The following CRISP1 variants were observed in gnomAD, a reference collection of about 807,000 sequenced individuals.
CRISP1 encodes the protein cysteine-rich secretory protein 1.
CRISP1 carries 44 observed loss-of-function variants against 33.1 expected under a neutral mutation model. That is an observed-to-expected ratio of 1.33 (90% confidence interval 1.05 to 1.71). The LOEUF is 1.71. CRISP1 is among the 40% of genes most tolerant of loss of function. The pLI, the probability that CRISP1 is intolerant of heterozygous loss-of-function variation, is 0.00. For synonymous variants in CRISP1, 103 were observed against 98.7 expected (o/e 1.04, Z -0.26); for missense variants, 390 against 301.2 (o/e 1.29, Z -2.18).
In CRISP1 at chr6:49,846,697, C is replaced by G. The variant is rs1180734882; in HGVS notation, c.287-29G>C. 3 of 1,604,338 alleles carry G rather than the reference C, an allele frequency of 1.9e-6. No individual in the cohort carries two copies. In the Admixed American group the frequency reaches 5.1e-5, roughly 27 times the overall value. ...AAATGAGAAAACGGGCTGGGTCATA[C>G]TCTGAACAAATGGGAAATAGTATAC... On this transcript the variant is annotated intron_variant, in intron 4 of 7. Coordinates refer to ENST00000335847, the MANE Select transcript of CRISP1 (RefSeq NM_001131.3).
intron 5 of CRISP1, among the ~76,000 whole-genome samples, chr6:49,845,937 TCA>T (rs762761750): frequency 6.6e-6 from 1 of 152,122 alleles, no homozygotes; most frequent in Non-Finnish European, 1.5e-5. Context: ...GTAGTGAAAT[TCA>T]CAGAGACAGA....
At chr6:49,855,317 C>T (rs1462210764) in intron 2 of CRISP1, among the ~76,000 whole-genome samples, 1 of 152,124 alleles carries the variant, frequency 6.6e-6, no homozygotes, top group African/African-American at 2.4e-5. Flanking sequence ...ACAATGGATT[C>T]ACTTTACTGT....
chr6:49,836,430 G>T (rs1180990490), intron 7 of CRISP1, among the ~76,000 whole-genome samples: 2 of 151,360 alleles, frequency 1.3e-5, no homozygotes, highest in Non-Finnish European at 2.9e-5. Flanking sequence ...CTGCCTCCCG[G>T]GTTCACGCCA....
chr6:49,862,514 G>T (rs941418528), intron 1 of CRISP1, among the ~76,000 whole-genome samples: 1 of 152,008 alleles, frequency 6.6e-6, no homozygotes, highest in African/African-American at 2.4e-5. Context: ...TTGATATAAT[G>T]CTAAATCTAG....
In CRISP1 at chr6:49,846,505, CA is replaced by C; in HGVS notation, c.435+14del. ...TCTCTTAAACAATGTGTGTGTTTGC[CA>C]GCACACAGGTTACCTGAGTGTAGTG... On this transcript the variant is annotated intron_variant, in intron 5 of 7. Coordinates refer to ENST00000335847, the MANE Select transcript of CRISP1 (RefSeq NM_001131.3). The C allele has an allele frequency of 6.2e-7, 1 of 1,608,190 alleles. No homozygotes were observed. The highest frequency in any genetic ancestry group is 8.5e-7 in the Non-Finnish European group (1 of 1,177,296).
intron 3 of CRISP1, among the ~76,000 whole-genome samples, chr6:49,851,726 G>A (rs1771347901): frequency 6.6e-6 from 1 of 152,176 alleles, no homozygotes; most frequent in Non-Finnish European, 1.5e-5. Context: ...GCTTTACTAA[G>A]TTCTTCAGGT....
chr6:49,845,027 G>A (rs1467510074), intron 5 of CRISP1, among the ~76,000 whole-genome samples: 1 of 152,086 alleles, frequency 6.6e-6, no homozygotes, highest in Non-Finnish European at 1.5e-5. Flanking sequence ...TGCATGTGAG[G>A]AAAAAATAAA....
chr6:49,838,033 G>C (rs1374944193), intron 7 of CRISP1, among the ~76,000 whole-genome samples: 1 of 152,174 alleles, frequency 6.6e-6, no homozygotes, highest in East Asian at 1.9e-4. Context: ...GGCAACCTGG[G>C]TAGGTAGTCA....
chr6:49,871,230 C>T (rs73427809), upstream of CRISP1, among the ~76,000 whole-genome samples: 442 of 151,996 alleles, frequency 2.9e-3, 2 homozygotes, highest in African/African-American at 0.01. Flanking sequence ...GTGCCATCTC[C>T]ATGCCAGGTG....
chr6:49,874,634 A>G (rs1456388307), intron 1 of CRISP1, among the ~76,000 whole-genome samples: 3 of 152,140 alleles, frequency 2.0e-5, no homozygotes, highest in Non-Finnish European at 4.4e-5. Flanking sequence ...ATCCTTGATG[A>G]ACATTGATTC....
rs557133967 is a variant in CRISP1 at position 49,876,671 on chromosome 6, C to T, written c.-3+338G>A. Among the ~76,000 whole-genome samples, 8 of 151,854 alleles carry T rather than the reference C, an allele frequency of 5.3e-5. No homozygotes were observed. The East Asian group carries it at 5.8e-4, about 11-fold the overall frequency. ...AATTATAGGCTGGGTAAAGAAAATG[C>T]GATACATATACACCATGGAACACTA... On this transcript the variant is annotated intron_variant, in intron 1 of 7. Coordinates refer to the CRISP1 transcript ENST00000505118.
At chr6:49,871,197 A>G (rs952064251), upstream of CRISP1, among the ~76,000 whole-genome samples, 2 of 152,066 alleles carry the variant, frequency 1.3e-5, no homozygotes, top group Non-Finnish European at 2.9e-5. Context: ...ACATGCACTC[A>G]TTATTCAAAA....
At position 49,847,367 on chromosome 6, in the gene CRISP1, C is replaced by T. The variant is rs181321012; in HGVS notation, c.287-699G>A. On this transcript the variant is annotated intron_variant, in intron 4 of 7. Coordinates refer to ENST00000335847, the MANE Select transcript of CRISP1 (RefSeq NM_001131.3). ...GGCCTGACCGGAGACGTTTACCTCA[C>T]GGTAGTGGATTCCTCAAAGAACTTG... Among the ~76,000 whole-genome samples, 4 of 152,254 alleles carry T rather than the reference C, an allele frequency of 2.6e-5. No homozygotes were observed. The East Asian group carries it at 5.8e-4, about 22-fold the overall frequency.
At chr6:49,846,867 C>T (rs973645522) in intron 4 of CRISP1, among the ~76,000 whole-genome samples, 199 bp from the exon 5 acceptor site, 6 of 152,086 alleles carry the variant, frequency 3.9e-5, no homozygotes, top group African/African-American at 1.4e-4. Flanking sequence ...TTTGGTGAAA[C>T]GTTGATAGTA....
chr6:49,871,884 G>T (rs1158052627), intron 1 of CRISP1, among the ~76,000 whole-genome samples: 2 of 152,034 alleles, frequency 1.3e-5, no homozygotes, highest in African/African-American at 2.4e-5. Flanking sequence ...CTTTATAGCA[G>T]CATGATTTAT....
In CRISP1 at chr6:49,838,339, G is replaced by A. The variant is rs1182938157; in HGVS notation, c.622+98C>T. The A allele has an allele frequency of 1.5e-5, 13 of 856,656 alleles. No individual in the cohort carries two copies. In the East Asian group the frequency reaches 3.0e-4, roughly 20 times the overall value. 53.1% of individuals were successfully genotyped at this position (856,656 alleles called of 1,614,324 possible). A position where few individuals can be genotyped will look rare whatever the true frequency, so the allele number is the denominator to read the frequency against. On this transcript the variant is annotated intron_variant, in intron 7 of 7. Transcript: ENST00000335847. The stretch of plus-strand genomic sequence containing the variant: ...TTTGTACATGAATGAGATGAAAGTT[G>A]TAGAAAAGTGCGATGTTTTTTAATG...
At chr6:49,868,573 G>A (rs1771853178), upstream of CRISP1, among the ~76,000 whole-genome samples, 2 of 152,236 alleles carry the variant, frequency 1.3e-5, no homozygotes. Flanking sequence ...GTTGAAGGAA[G>A]CATTCATGTG....
At chr6:49,848,812 A>T (rs1771263780) in intron 3 of CRISP1, among the ~76,000 whole-genome samples, 1 of 152,160 alleles carries the variant, frequency 6.6e-6, no homozygotes, top group Admixed American at 6.6e-5. Flanking sequence ...ATCTAAAATT[A>T]TGAATAACAA....
At chr6:49,867,679 A>C (rs1284696343), upstream of CRISP1, among the ~76,000 whole-genome samples, 1 of 152,094 alleles carries the variant, frequency 6.6e-6, no homozygotes, top group East Asian at 1.9e-4. Flanking sequence ...ACTAAACATC[A>C]CTAAAAATTG....
Sources: gnomAD v4.1 joint callset for allele counts (sites outside exome capture counted in the v4.1 genomes callset) on GRCh38, gnomAD v4.1.1 for gene constraint, MANE v1.5 for transcripts, NCBI Gene and HGNC (gene_info 2026-07-23, HGNC 2026-07-21) for gene names.